The following PREX2 variants were observed in gnomAD, a reference collection of about 807,000 sequenced individuals.
The protein encoded by PREX2 is phosphatidylinositol-3,4,5-trisphosphate dependent Rac exchange factor 2, also known as phosphatidylinositol 3,4,5-trisphosphate-dependent Rac exchanger 2 protein.
A neutral mutation model predicts 203.2 loss-of-function variants in PREX2; 107 were observed. That is an observed-to-expected ratio of 0.53 (90% CI 0.45 to 0.62). PREX2 has a LOEUF of 0.62. Ranked by LOEUF, PREX2 falls within the 20% of genes least tolerant of loss-of-function variation. PREX2 has a pLI of 0.00. For missense variants in PREX2, 1,777 were observed against 1,955.9 expected, an observed-to-expected ratio of 0.91 and a Z score of 1.72; for synonymous variants, 672 against 663.6, an observed-to-expected ratio of 1.01 and a Z score of -0.19.
At chr8:68,128,559 A>G (rs911537355) in intron 31 of PREX2, among the ~76,000 whole-genome samples, 2 of 152,060 alleles carry the variant, frequency 1.3e-5, no homozygotes, top group African/African-American at 4.8e-5. Flanking sequence ...TTGCTCACAT[A>G]TGTAACATTT....
chr8:68,027,084 A>G, intron 4 of PREX2, 138 bp from the exon 5 acceptor site: 2 of 668,970 alleles, frequency 3.0e-6, no homozygotes, highest in South Asian at 3.4e-5. Context: ...AGTGTTTGTG[A>G]CTGAATATGC....
At chr8:68,035,050 T>C (rs561588148) in intron 6 of PREX2, among the ~76,000 whole-genome samples, 1 of 152,224 alleles carries the variant, frequency 6.6e-6, no homozygotes, top group East Asian at 1.9e-4. Flanking sequence ...CTTAGTAAAA[T>C]GAAAATTTAT....
At position 68,204,514 on chromosome 8, in the gene PREX2, A is replaced by G. The variant is rs191268117; in HGVS notation, c.4604+11989A>G. Among the ~76,000 whole-genome samples the G allele has an allele frequency of 4.6e-5, 7 of 152,130 alleles. No homozygotes were observed. The East Asian group carries it at 7.7e-4, about 17-fold the overall frequency. On this transcript the variant is annotated intron_variant, in intron 37 of 39. Coordinates refer to ENST00000288368, the MANE Select transcript of PREX2 (RefSeq NM_024870.4). ...AATTCGATTGCTTTTTTGCCCTAAG[A>G]TAGATGGAGTGAGTGGAGTATTCAA... is the stretch of plus-strand genomic sequence containing the variant.
chr8:68,110,975 T>C (rs768798473), intron 25 of PREX2: 2 of 421,894 alleles, frequency 4.7e-6, no homozygotes, highest in African/African-American at 2.1e-5. Context: ...AGGAGAGTAT[T>C]TTTTTAAGCA....
chr8:68,148,828 G>T (rs1811377113), intron 34 of PREX2, among the ~76,000 whole-genome samples: 1 of 152,164 alleles, frequency 6.6e-6, no homozygotes, highest in Admixed American at 6.5e-5. Flanking sequence ...TGATAAAGTT[G>T]TTTATTTAAC....
Position 68,053,128 on chromosome 8 carries a change from T to G in PREX2, c.975T>G (p.Val325=). ...TCCATAGCAGTGGACACATTGTTGT[T>G]AATGGATGGAAGATACATAACACAG... is the stretch of plus-strand genomic sequence containing the variant. ...ADFHSSGHIV[V]NGWKIHNTAK... is the part of the protein sequence containing the mutation. Residue 325 remains valine, a synonymous_variant, in exon 9 of 40, where the codon GTT becomes GTG. Transcript: ENST00000288368. 1 of 1,613,534 alleles carries G rather than the reference T, an allele frequency of 6.2e-7. No homozygotes were observed. The highest frequency in any genetic ancestry group is 8.5e-7 in the Non-Finnish European group (1 of 1,179,612).
In PREX2 at chr8:68,022,071, TA is replaced by T; in HGVS notation, c.374del (p.Asn125ThrfsTer15). On this transcript the variant is annotated frameshift_variant, in exon 4 of 40. Transcript: ENST00000288368. LOFTEE classifies it high-confidence loss of function. ...KFRIYDEYCS[N>X]HEKAQKLLLE... ...TTCGTATCTATGATGAATATTGTAG[TA>T]ACCATGAGAAGGCACAAAAATTACT... The T allele has an allele frequency of 6.4e-7, 1 of 1,558,412 alleles. No homozygotes were observed. The highest frequency in any genetic ancestry group is 8.9e-7 in the Non-Finnish European group (1 of 1,129,470).
At chr8:68,188,595 G>T (rs904798089) in intron 35 of PREX2, among the ~76,000 whole-genome samples, 1 of 152,218 alleles carries the variant, frequency 6.6e-6, no homozygotes, top group Non-Finnish European at 1.5e-5. Context: ...ATAGTTCCAC[G>T]TGGCTGGGGA....
intron 30 of PREX2, among the ~76,000 whole-genome samples, chr8:68,121,380 G>C (rs1810770073): frequency 6.6e-6 from 1 of 151,922 alleles, no homozygotes; most frequent in Non-Finnish European, 1.5e-5. Flanking sequence ...TTACAAAAAG[G>C]CATGAAGCAA....
At chr8:68,204,932 C>T (rs1003791039) in intron 37 of PREX2, among the ~76,000 whole-genome samples, 8 of 151,964 alleles carry the variant, frequency 5.3e-5, no homozygotes, top group East Asian at 1.9e-4. Context: ...CCGCCCGCCT[C>T]GGCCTCCCAA....
At position 68,119,532 on chromosome 8, in the gene PREX2, TG is replaced by T; in HGVS notation, c.3504+22del. Reference sequence around the variant, plus strand: ...TCAGCCAGGTACAATCGGGCATTTGTGGGGCTTTTGTTCCACAACTAAACTG... The same window carrying T: ...TCAGCCAGGTACAATCGGGCATTTGTGGGCTTTTGTTCCACAACTAAACTG... On this transcript the variant is annotated intron_variant, in intron 28 of 39. Transcript: ENST00000288368. 1.3e-6 allele frequency: 2 copies of T among 1,587,158 alleles called. No homozygotes were observed. Among genetic ancestry groups the T allele is most frequent in the South Asian group, 1.1e-5 (1 of 90,428 alleles).
At chr8:67,978,362 G>A (rs1806169729) in intron 1 of PREX2, among the ~76,000 whole-genome samples, 1 of 152,160 alleles carries the variant, frequency 6.6e-6, no homozygotes, top group Admixed American at 6.5e-5. Context: ...CCATCCTTGT[G>A]TTCCCTTTCA....
intron 9 of PREX2, among the ~76,000 whole-genome samples, chr8:68,055,217 T>A (rs1808639231): frequency 6.6e-6 from 1 of 152,160 alleles, no homozygotes; most frequent in South Asian, 2.1e-4. Flanking sequence ...ACCTAAGGAA[T>A]GAAATAAATT....
At chr8:67,980,769 T>C (rs1806244057) in intron 1 of PREX2, among the ~76,000 whole-genome samples, 1 of 152,242 alleles carries the variant, frequency 6.6e-6, no homozygotes, top group Non-Finnish European at 1.5e-5. Flanking sequence ...TGTTTCAGTC[T>C]GAATTTCTTG....
At chr8:68,150,024 G>A (rs1418101716) in intron 34 of PREX2, among the ~76,000 whole-genome samples, 1 of 152,220 alleles carries the variant, frequency 6.6e-6, no homozygotes, top group Non-Finnish European at 1.5e-5. Flanking sequence ...CTTAGGAGGA[G>A]GTGTGATCTT....
At chr8:68,043,072 A>G (rs1563514618) in intron 7 of PREX2, among the ~76,000 whole-genome samples, 1 of 152,160 alleles carries the variant, frequency 6.6e-6, no homozygotes, top group Non-Finnish European at 1.5e-5. Flanking sequence ...ATTATTTTCC[A>G]GCTGGAAATA....
chr8:68,153,270 T>C (rs934639450), intron 34 of PREX2, among the ~76,000 whole-genome samples: 2 of 152,236 alleles, frequency 1.3e-5, no homozygotes, highest in African/African-American at 4.8e-5. Flanking sequence ...AGACTGACAC[T>C]GTTCTTAAAA....
chr8:68,054,124 C>T (rs1301149975), intron 9 of PREX2, among the ~76,000 whole-genome samples: 1 of 152,122 alleles, frequency 6.6e-6, no homozygotes, highest in African/African-American at 2.4e-5. Flanking sequence ...GAATATGCAA[C>T]ATTGCTACCT....
intron 37 of PREX2, among the ~76,000 whole-genome samples, chr8:68,206,330 G>A (rs1431158198): frequency 1.3e-5 from 2 of 152,190 alleles, no homozygotes; most frequent in Non-Finnish European, 2.9e-5. Context: ...AGAATGTTCA[G>A]TTGAAATCTG....
Sources: gnomAD v4.1 joint callset for allele counts (sites outside exome capture counted in the v4.1 genomes callset) on GRCh38, gnomAD v4.1.1 for gene constraint, MANE v1.5 for transcripts, NCBI Gene and HGNC (gene_info 2026-07-23, HGNC 2026-07-21) for gene names.